PTK2: variants seen among roughly 807,000 people sequenced by gnomAD.
The protein encoded by PTK2 is focal adhesion kinase 1.
PTK2 carries 45 observed loss-of-function variants against 150.1 expected under a neutral mutation model. That is an observed-to-expected ratio of 0.30 (90% CI 0.24 to 0.38). The LOEUF is 0.38. PTK2 is among the 10% of genes least tolerant of loss of function. The pLI, the probability that PTK2 is intolerant of heterozygous loss-of-function variation, is 1.00. For synonymous variants in PTK2, 432 were observed against 449.2 expected, an observed-to-expected ratio of 0.96 and a Z score of 0.48; for missense variants, 919 against 1,307.3, an observed-to-expected ratio of 0.70 and a Z score of 4.58.
chr8:140,842,546 G>A (rs1245783395), intron 7 of PTK2, among the ~76,000 whole-genome samples: 1 of 151,896 alleles, frequency 6.6e-6, no homozygotes, highest in Non-Finnish European at 1.5e-5. Flanking sequence ...CATTTTACAC[G>A]TTTGGAAACA....
intron 5 of PTK2, among the ~76,000 whole-genome samples, chr8:140,849,809 T>A (rs1338640840): frequency 2.6e-5 from 4 of 152,216 alleles, no homozygotes; most frequent in Non-Finnish European, 5.9e-5. Context: ...AAACTTAACT[T>A]CGTGTTGAAC....
In PTK2 at chr8:140,869,028, T is replaced by C. The variant is rs115113150; in HGVS notation, c.363-4629A>G. Among the ~76,000 whole-genome samples, 585 of 152,274 alleles carry C rather than the reference T, an allele frequency of 3.8e-3. 6 individuals are homozygous for C. The highest frequency in any genetic ancestry group is 0.014 in the African/African-American group (563 of 41,548). Reference sequence around the variant, plus strand: ...GTACACAGGATTTCTGTGTACTATTTTGCAACTTTTGATATTATATTGAGA... The same window carrying C: ...GTACACAGGATTTCTGTGTACTATTCTGCAACTTTTGATATTATATTGAGA... On this transcript the variant is annotated intron_variant, in intron 4 of 31. Transcript: ENST00000522684.
chr8:140,999,434 G>A (rs2100199148), intron 1 of PTK2, among the ~76,000 whole-genome samples: 1 of 152,186 alleles, frequency 6.6e-6, no homozygotes, highest in African/African-American at 2.4e-5. Flanking sequence ...CAAAATGATG[G>A]TAGGTTCAGC....
At chr8:140,822,140 A>C (rs2154602156) in intron 8 of PTK2, 1 of 152,322 alleles carries the variant, frequency 6.6e-6, no homozygotes, top group South Asian at 2.1e-4. Context: ...GCAGTCTCTA[A>C]GAAGCAGGCC....
intron 28 of PTK2, 150 bp downstream of exon 31, chr8:140,675,310 A>G: frequency 1.3e-6 from 1 of 792,012 alleles, no homozygotes; most frequent in Non-Finnish European, 2.1e-6. Context: ...TCTAGTAATG[A>G]GCTGAATGTG....
chr8:140,995,399 A>G (rs952428675), intron 1 of PTK2, among the ~76,000 whole-genome samples: 3 of 144,268 alleles, frequency 2.1e-5, no homozygotes, highest in African/African-American at 7.5e-5. Context: ...AAAAAAAAAA[A>G]GAAAAGAAAC....
intron 3 of PTK2, among the ~76,000 whole-genome samples, chr8:140,889,107 T>TA (rs201897105): frequency 0.011 from 1,700 of 151,448 alleles, 20 homozygotes; most frequent in African/African-American, 0.033. Context: ...AAAGAGTTTG[T>TA]AAAAAAAAAG....
chr8:140,749,492 T>C (rs1049253758), intron 17 of PTK2, among the ~76,000 whole-genome samples: 1 of 152,180 alleles, frequency 6.6e-6, no homozygotes, highest in Non-Finnish European at 1.5e-5. Flanking sequence ...AATCAACACA[T>C]AGAATAGTTT....
At chr8:140,916,129 C>T (rs964167188) in intron 2 of PTK2, among the ~76,000 whole-genome samples, 8 of 152,310 alleles carry the variant, frequency 5.3e-5, no homozygotes, top group Non-Finnish European at 1.2e-4. Context: ...AGGGAGAGTT[C>T]ACCAGTCTTT....
chr8:140,754,867 AGT>A (rs1403565539), intron 16 of PTK2, among the ~76,000 whole-genome samples: 2 of 152,166 alleles, frequency 1.3e-5, no homozygotes, highest in African/African-American at 4.8e-5. Context: ...GTCAGTTCAA[AGT>A]AAGTAAGACC....
chr8:140,949,861 T>G (rs1425297352), intron 1 of PTK2, among the ~76,000 whole-genome samples: 1 of 152,172 alleles, frequency 6.6e-6, no homozygotes, highest in African/African-American at 2.4e-5. Context: ...GGCCACCAGT[T>G]ACGGGTGGAG....
intron 22 of PTK2, among the ~76,000 whole-genome samples, chr8:140,722,572 T>C (rs1371184323): frequency 2.6e-5 from 4 of 152,164 alleles, no homozygotes; most frequent in African/African-American, 9.7e-5. Flanking sequence ...CCAGCCCCTG[T>C]TCTCTCAACT....
intron 2 of PTK2, among the ~76,000 whole-genome samples, chr8:140,901,609 C>T (rs1333803325): frequency 6.7e-6 from 1 of 150,096 alleles, no homozygotes; most frequent in Non-Finnish European, 1.5e-5. Context: ...TAAAATCATG[C>T]TCAATGAACT....
intron 3 of PTK2, among the ~76,000 whole-genome samples, chr8:140,881,596 A>G (rs917215063): frequency 7.2e-5 from 11 of 152,226 alleles, no homozygotes; most frequent in African/African-American, 1.4e-4. Context: ...GTCTCTAGCC[A>G]TCTGCCTCAG....
chr8:140,870,317 CTGAT>C (rs1214719216), intron 4 of PTK2, among the ~76,000 whole-genome samples: 1 of 152,130 alleles, frequency 6.6e-6, no homozygotes, highest in African/African-American at 2.4e-5. Flanking sequence ...TATCAAAACA[CTGAT>C]TGATAATAAA....
intron 2 of PTK2, among the ~76,000 whole-genome samples, chr8:140,908,694 G>GA (rs1425623610): frequency 2.0e-5 from 3 of 152,000 alleles, no homozygotes; most frequent in Non-Finnish European, 4.4e-5. Context: ...TTTGGGGGGG[G>GA]ACACAGCCAA....
chr8:140,826,879 A>G (rs1567103102), intron 8 of PTK2, among the ~76,000 whole-genome samples: 1 of 152,032 alleles, frequency 6.6e-6, no homozygotes, highest in Non-Finnish European at 1.5e-5. Context: ...GATCGCGCCA[A>G]TGCACTCCAG....
At chr8:140,681,894 G>GA (rs1450852471) in intron 27 of PTK2, among the ~76,000 whole-genome samples, 1 of 152,172 alleles carries the variant, frequency 6.6e-6, no homozygotes, top group African/African-American at 2.4e-5. Flanking sequence ...TTTTGGTGTG[G>GA]AAAAATCAGA....
rs181097173 is a variant in PTK2, at chr8:140,746,214, C to G, written c.1518+546G>C. On this transcript the variant is annotated intron_variant, in intron 18 of 31. Coordinates refer to ENST00000522684, the Ensembl canonical transcript of PTK2. ...AGGCATGGTGGCATGCACCTGTAGT[C>G]CCAGCAACTCGGGAAGTTGAGGTGG... Among the ~76,000 whole-genome samples, 232 of 152,162 alleles carry G rather than the reference C, an allele frequency of 1.5e-3. 3 individuals are homozygous for G. The highest frequency in any genetic ancestry group is 2.5e-4 in the Non-Finnish European group (17 of 68,012).
Sources: allele counts gnomAD v4.1 joint callset (sites outside exome capture counted in the v4.1 genomes callset), GRCh38; gene constraint gnomAD v4.1.1; transcripts MANE v1.5; gene names NCBI Gene and HGNC (gene_info 2026-07-23, HGNC 2026-07-21).